The following SH3D21 variants were observed in gnomAD, a reference collection of about 807,000 sequenced individuals.
SH3D21 encodes the protein manchette microtubule inner protein 1.
SH3D21 carries 83 observed loss-of-function variants against 82.1 expected under a neutral mutation model. That is an observed-to-expected ratio of 1.01 (90% CI 0.85 to 1.21). The LOEUF is 1.21. SH3D21 is among the 50% of genes most tolerant of loss of function. The pLI, the probability that SH3D21 is intolerant of heterozygous loss-of-function variation, is 0.00. For synonymous variants in SH3D21, 383 were observed against 387.8 expected (o/e 0.99, Z 0.15); for missense variants, 980 against 962.1 (o/e 1.02, Z -0.25).
In SH3D21 at chr1:36,320,394, G is replaced by A; in HGVS notation, c.1731G>A (p.Glu577=). ...GGCCAGCATCCAGGCCTGCCCTTGAGAAGCCCCACCCCCACGAAGAGGCTA... is the reference window on the plus strand; with the variant it reads ...GGCCAGCATCCAGGCCTGCCCTTGAAAAGCCCCACCCCCACGAAGAGGCTA... ...KSGPASRPAL[E]KPHPHEEATT... is the part of the protein sequence containing the mutation. The change falls in exon 14 of 16, where the codon GAG becomes GAA. Residue 577 remains glutamate, a synonymous_variant. Transcript: ENST00000453908. 1 of 1,613,732 alleles carries A rather than the reference G, an allele frequency of 6.2e-7. No homozygotes were observed.
chr1:36,326,460 A>C (rs1646546687), downstream of SH3D21, among the ~76,000 whole-genome samples: 1 of 151,912 alleles, frequency 6.6e-6, no homozygotes, highest in African/African-American at 2.4e-5. Context: ...CGAACTTCTG[A>C]CCTCAGGTGA....
downstream of SH3D21, chr1:36,321,458 G>C (rs1188900725): frequency 2.1e-5 from 22 of 1,055,426 alleles, no homozygotes; most frequent in Non-Finnish European, 2.7e-5. This position sits in a 1 kb window ranked among gnomAD's most constrained non-coding sequence, Gnocchi z 6.1. Flanking sequence ...GAGGGGCCCA[G>C]GCGGGGTCGG....
intron 10 of SH3D21, among the ~76,000 whole-genome samples, chr1:36,312,359 ATTC>A (rs1231686559): frequency 6.6e-6 from 1 of 152,198 alleles, no homozygotes; most frequent in Non-Finnish European, 1.5e-5. Context: ...ATTCCCAGAT[ATTC>A]TTAGGTATCT....
At position 36,320,907 on chromosome 1, in the gene SH3D21, G is replaced by C; in HGVS notation, c.2136-8G>C. 6.4e-7 allele frequency: 1 copy of C among 1,560,162 alleles called. No homozygotes were observed. The highest frequency in any genetic ancestry group is 1.2e-5 in the South Asian group (1 of 85,014). On this transcript the variant is annotated splice_polypyrimidine_tract_variant and splice_region_variant and intron_variant, in intron 14 of 15. Transcript: ENST00000453908. ...TGCCCAGCCCCTCACCTCCGCCTCG[G>C]CCCGCAGGAGGAAGCTGACCGACAT...
At chr1:36,329,059 AC>A, downstream of SH3D21, 1 of 152,104 alleles carries the variant, frequency 6.6e-6, no homozygotes, top group Middle Eastern at 3.4e-3. Context: ...ATCATTCTCC[AC>A]CCCTCAGACC....
At chr1:36,324,820 G>A (rs956476630), downstream of SH3D21, 2 of 152,156 alleles carry the variant, frequency 1.3e-5, no homozygotes, top group Admixed American at 6.5e-5. Context: ...TTAATGTGAT[G>A]TATTTGAGTA....
chr1:36,308,437 G>A lies in SH3D21; in HGVS notation c.688G>A (p.Gly230Arg). The A allele has an allele frequency of 6.4e-7, 1 of 1,551,896 alleles. No individual in the cohort carries two copies. The highest frequency in any genetic ancestry group is 1.2e-5 in the South Asian group (1 of 84,056). The change falls in exon 9 of 16, where the codon GGA becomes AGA. Residue 230 changes from glycine (G) to arginine (R), a missense_variant. Coordinates refer to ENST00000453908, the MANE Select transcript of SH3D21 (RefSeq NM_001162530.2). ...GGAAGGAGAGTGTCAAGGACGAAGA[G>A]GAGTTTTTCCAGACAACTTTGTACT... ...WWEGECQGRR[G>R]VFPDNFVLPP...
At chr1:36,329,283 G>A (rs1646571496), downstream of SH3D21, 1 of 152,192 alleles carries the variant, frequency 6.6e-6, no homozygotes, top group Non-Finnish European at 1.5e-5. Context: ...CTGATGCTCG[G>A]GTGTGGTGGT....
intron 10 of SH3D21, among the ~76,000 whole-genome samples, chr1:36,310,638 A>G (rs966452912): frequency 6.6e-6 from 1 of 151,366 alleles, no homozygotes; most frequent in Non-Finnish European, 1.5e-5. Flanking sequence ...ATTAACACCC[A>G]CGAACACCCA....
intron 10 of SH3D21, among the ~76,000 whole-genome samples, chr1:36,314,853 CA>C (rs1646311985): frequency 6.6e-6 from 1 of 151,992 alleles, no homozygotes; most frequent in Non-Finnish European, 1.5e-5. Context: ...TGTCAAATCC[CA>C]AGATTACACT....
intron 10 of SH3D21, among the ~76,000 whole-genome samples, chr1:36,310,923 T>A (rs1054789621): frequency 5.3e-5 from 8 of 152,146 alleles, no homozygotes; most frequent in Non-Finnish European, 8.8e-5. Context: ...TTTTTTTTTT[T>A]ATGGAGACAG....
chr1:36,320,719 G>A lies in SH3D21; in HGVS notation c.2056G>A (p.Glu686Lys). The A allele has an allele frequency of 6.2e-7, 1 of 1,613,718 alleles. No individual in the cohort carries two copies. The highest frequency in any genetic ancestry group is 8.5e-7 in the Non-Finnish European group (1 of 1,179,812). Residue 686 changes from glutamate (E) to lysine (K), a missense_variant, in exon 14 of 16, where the codon GAA (glutamate) becomes AAA (lysine). Coordinates refer to ENST00000453908, the MANE Select transcript of SH3D21 (RefSeq NM_001162530.2). ...GCAAAACTACACGGAAAACAAGAAT[G>A]AAGGAGTTGATGTAACGTCGCTGAG... The part of the protein sequence containing the change: ...VPQNYTENKN[E>K]GVDVTSLRGE...
At chr1:36,325,865 G>A (rs191082598), downstream of SH3D21, among the ~76,000 whole-genome samples, 1 of 152,204 alleles carries the variant, frequency 6.6e-6, no homozygotes, top group Non-Finnish European at 1.5e-5. Context: ...TTTTAATGGG[G>A]ATTTAACAAT....
downstream of SH3D21, chr1:36,321,936 G>A: frequency 8.9e-7 from 1 of 1,120,360 alleles, no homozygotes; most frequent in Non-Finnish European, 1.1e-6. This position sits in a 1 kb window ranked among gnomAD's most constrained non-coding sequence, Gnocchi z 6.1. Flanking sequence ...TGCAGCTAGG[G>A]TAAGGGAGTC....
chr1:36,323,020 C>T (rs1221651155), downstream of SH3D21: 6 of 1,599,476 alleles, frequency 3.8e-6, no homozygotes, highest in Admixed American at 1.8e-5. Context: ...ACTCCATGTC[C>T]CTTCGCGGGG....
At chr1:36,311,915 G>A (rs755092687) in intron 10 of SH3D21, among the ~76,000 whole-genome samples, 4 of 151,518 alleles carry the variant, frequency 2.6e-5, no homozygotes, top group Middle Eastern at 3.2e-3. Context: ...GGCTGGTCTC[G>A]AACTCCTGGG....
chr1:36,307,901 G>A lies in SH3D21; in HGVS notation c.493-17G>A. 3 of 1,551,660 alleles carry A rather than the reference G, an allele frequency of 1.9e-6. 1 individual carries two copies. The South Asian group carries it at 3.6e-5, about 18-fold the overall frequency. ...TTGGAGGCTCATCTAGTTCCTCCCT[G>A]CCCCTTCCCCCACTAGCTGAGCAGC... On this transcript the variant is annotated splice_polypyrimidine_tract_variant and intron_variant, in intron 6 of 15. Coordinates refer to ENST00000453908, the MANE Select transcript of SH3D21 (RefSeq NM_001162530.2). The surrounding 1 kb of genome is among the most constrained non-coding windows in gnomAD (Gnocchi z 5.4).
rs1029824749 is a variant in SH3D21 at position 36,306,562 on chromosome 1, T to C, written c.5-36T>C. ...TAGCCAGGCTGCCCGGCTGGGCCTT[T>C]CTGAGCCGCACGCCGGCCCCGTCTT... On this transcript the variant is annotated intron_variant, in intron 1 of 15. Transcript: ENST00000453908. The surrounding 1 kb of genome is among the most constrained non-coding windows in gnomAD (Gnocchi z 4.5). 6.1e-6 allele frequency: 8 copies of C among 1,302,506 alleles called. No individual in the cohort carries two copies. In the African/African-American group the frequency reaches 1.2e-4, roughly 20 times the overall value. 80.7% of individuals were successfully genotyped at this position (1,302,506 alleles called of 1,614,324 possible). A position where few individuals can be genotyped will look rare whatever the true frequency, so the allele number is the denominator to read the frequency against.
chr1:36,314,952 T>C (rs912931090), intron 10 of SH3D21, among the ~76,000 whole-genome samples: 1 of 152,118 alleles, frequency 6.6e-6, no homozygotes, highest in African/African-American at 2.4e-5. Flanking sequence ...TGGACCAAGC[T>C]GAGGGGCCTG....
Sources: allele counts gnomAD v4.1 joint callset (sites outside exome capture counted in the v4.1 genomes callset), GRCh38; gene constraint gnomAD v4.1.1; non-coding constraint Gnocchi (gnomAD v3.1); transcripts MANE v1.5; gene names NCBI Gene and HGNC (gene_info 2026-07-23, HGNC 2026-07-21).